C4orf36: variants seen among roughly 807,000 people sequenced by gnomAD.
C4orf36 encodes chromosome 4 open reading frame 36.
Under a neutral mutation model 12.2 loss-of-function variants are expected in C4orf36, and 11 were observed. That is an observed-to-expected ratio of 0.90 (90% confidence interval 0.57 to 1.49). C4orf36 has a LOEUF of 1.49. Ranked by LOEUF, C4orf36 falls within the 40% of genes most tolerant of loss-of-function variation. The pLI, the probability that C4orf36 is intolerant of heterozygous loss-of-function variation, is 0.00. For synonymous variants in C4orf36, 54 were observed against 51.3 expected, an observed-to-expected ratio of 1.05 and a Z score of -0.22; for missense variants, 137 against 133.9, an observed-to-expected ratio of 1.02 and a Z score of -0.11.
chr4:86,931,993 C>G, the C4orf36 span, among the ~76,000 whole-genome samples: 1 of 145,516 alleles, frequency 6.9e-6, no homozygotes, highest in Non-Finnish European at 1.5e-5. Context: ...CGAGATTGCA[C>G]CATTGCACTC....
At chr4:86,896,088 A>G (rs1747584734), upstream of C4orf36, among the ~76,000 whole-genome samples, 1 of 152,348 alleles carries the variant, frequency 6.6e-6, no homozygotes, top group Admixed American at 6.5e-5. Flanking sequence ...AATAAATGCT[A>G]CTATTAATTT....
At chr4:86,895,966 A>C (rs1289285435), upstream of C4orf36, among the ~76,000 whole-genome samples, 1 of 152,224 alleles carries the variant, frequency 6.6e-6, no homozygotes, top group Non-Finnish European at 1.5e-5. Context: ...GAAGGAATGC[A>C]AAAGATCAAC....
the C4orf36 span, among the ~76,000 whole-genome samples, chr4:86,905,888 T>C: frequency 6.6e-6 from 1 of 152,056 alleles, no homozygotes; most frequent in East Asian, 1.9e-4. Context: ...CTGACTTTTC[T>C]ATTTGTATTT....
the C4orf36 span, chr4:86,926,173 C>T: frequency 6.6e-6 from 1 of 152,530 alleles, no homozygotes; most frequent in Admixed American, 6.5e-5. Flanking sequence ...GCCGCCGTGC[C>T]TGGCCTATGT....
the C4orf36 span, among the ~76,000 whole-genome samples, chr4:86,917,624 AAGAG>A: frequency 1.3e-5 from 2 of 150,978 alleles, no homozygotes; most frequent in Admixed American, 6.6e-5. Flanking sequence ...GGGAGGGAAG[AAGAG>A]AAAGAGAAAG....
In C4orf36 at chr4:86,876,304, G is replaced by T; in HGVS notation, c.*142C>A. ...TTCTCGGTCTCTGGGCGGGCCGTGG[G>T]AGGCTTCCTGAGGTGGGGGCCGGGC... On this transcript the variant is annotated 3_prime_UTR_variant, in exon 5 of 5. Coordinates refer to ENST00000295898, the MANE Select transcript of C4orf36 (RefSeq NM_144645.4). 7.4e-7 allele frequency: 1 copy of T among 1,350,806 alleles called. No individual in the cohort carries two copies. The highest frequency in any genetic ancestry group is 9.9e-7 in the Non-Finnish European group (1 of 1,008,120). 83.7% of individuals were successfully genotyped at this position (1,350,806 alleles called of 1,614,324 possible).
upstream of C4orf36, chr4:86,892,429 C>CGT: frequency 1.0e-6 from 1 of 985,484 alleles, no homozygotes. Context: ...GTCTGGGGCT[C>CGT]CTCGCGTCAC....
chr4:86,929,989 C>G, the C4orf36 span, among the ~76,000 whole-genome samples: 1 of 152,132 alleles, frequency 6.6e-6, no homozygotes, highest in Admixed American at 6.5e-5. Context: ...TTCTTGCAAA[C>G]CAATGAGGGT....
At chr4:86,899,721 C>T in the C4orf36 span, among the ~76,000 whole-genome samples, 1 of 152,076 alleles carries the variant, frequency 6.6e-6, no homozygotes, top group Non-Finnish European at 1.5e-5. Context: ...GTCCCAGCTA[C>T]TCAGGAGGCT....
intron 4 of C4orf36, chr4:86,876,744 C>A: frequency 6.6e-7 from 1 of 1,507,950 alleles, no homozygotes; most frequent in Admixed American, 2.3e-5. Context: ...CTGGCTGTTG[C>A]ATCCAAGTAA....
At chr4:86,913,397 G>T in the C4orf36 span, 1 of 762,032 alleles carries the variant, frequency 1.3e-6, no homozygotes, top group East Asian at 2.9e-5. Flanking sequence ...CTATTCGGGT[G>T]CAGCATCTCC....
chr4:86,928,428 A>G, the C4orf36 span, among the ~76,000 whole-genome samples: 1 of 152,314 alleles, frequency 6.6e-6, no homozygotes, highest in East Asian at 1.9e-4. Context: ...ATCTCCTCCC[A>G]GTGCCTTCCA....
At chr4:86,902,558 C>A in the C4orf36 span, among the ~76,000 whole-genome samples, 1 of 151,890 alleles carries the variant, frequency 6.6e-6, no homozygotes, top group African/African-American at 2.4e-5. Flanking sequence ...TGGGAGAGAA[C>A]AAATTTCCAT....
intron 4 of C4orf36, among the ~76,000 whole-genome samples, chr4:86,881,341 T>C (rs1747050852): frequency 6.6e-6 from 1 of 152,236 alleles, no homozygotes; most frequent in South Asian, 2.1e-4. Flanking sequence ...AATGGTATAT[T>C]TGTTCATTCT....
the C4orf36 span, among the ~76,000 whole-genome samples, chr4:86,929,212 G>A: frequency 6.6e-6 from 1 of 152,064 alleles, no homozygotes; most frequent in Non-Finnish European, 1.5e-5. Flanking sequence ...GTTTTACCTG[G>A]GTCCTCTGCT....
the C4orf36 span, among the ~76,000 whole-genome samples, chr4:86,917,568 G>A: frequency 6.7e-6 from 1 of 150,368 alleles, no homozygotes; most frequent in Non-Finnish European, 1.5e-5. Context: ...AGAGAGTGAG[G>A]GAGGGAGGAA....
At chr4:86,909,451 A>G in the C4orf36 span, among the ~76,000 whole-genome samples, 1 of 152,216 alleles carries the variant, frequency 6.6e-6, no homozygotes, top group African/African-American at 2.4e-5. Context: ...TCAGCTGGTA[A>G]ATAAATATAT....
chr4:86,890,480 AAATAATAATAATAATAATAATAAT>A (rs56235500), intron 2 of C4orf36, among the ~76,000 whole-genome samples: 10 of 147,318 alleles, frequency 6.8e-5, no homozygotes, highest in Admixed American at 2.0e-4. Context: ...AATGCAAATA[AAATAATAATAATAATAATAATAAT>A]AATAATAATA....
At chr4:86,880,588 C>T (rs763124225) in intron 4 of C4orf36, among the ~76,000 whole-genome samples, 32 of 152,190 alleles carry the variant, frequency 2.1e-4, no homozygotes, top group Admixed American at 3.9e-4. Flanking sequence ...TTAAAACTTT[C>T]CCAGATAAAC....
Sources: allele counts gnomAD v4.1 joint callset (sites outside exome capture counted in the v4.1 genomes callset), GRCh38; gene constraint gnomAD v4.1.1; transcripts MANE v1.5; gene names NCBI Gene and HGNC (gene_info 2026-07-23, HGNC 2026-07-21).